The following KCNQ1OT1 variants were observed in gnomAD, a reference collection of about 807,000 sequenced individuals.
The protein encoded by KCNQ1OT1 is KCNQ1 opposite strand/antisense transcript 1.
rs535649270 is a variant in KCNQ1OT1, at chr11:2,685,952, G to C, written n.14043C>G. 259 of 398,766 alleles carry C rather than the reference G, an allele frequency of 6.5e-4. 1 individual carries two copies. The highest frequency in any genetic ancestry group is 4.7e-3 in the African/African-American group (228 of 48,746). 24.7% of individuals were successfully genotyped at this position (398,766 alleles called of 1,614,324 possible). A position where few individuals can be genotyped will look rare whatever the true frequency, so the allele number is the denominator to read the frequency against. On this transcript the variant is annotated non_coding_transcript_exon_variant, in exon 1 of 1. Coordinates refer to ENST00000597346, the Ensembl canonical transcript of KCNQ1OT1. ...GCCCACTCTCCCATCCTCCTGCTGG[G>C]TCACACGGATGAGGCCTGTACACTC...
exon 1 of KCNQ1OT1, chr11:2,666,714 T>A: frequency 2.5e-6 from 1 of 398,750 alleles, no homozygotes; most frequent in Non-Finnish European, 4.4e-6. Flanking sequence ...AGGTCCACTG[T>A]GACCTACTCC....
At chr11:2,696,524 A>G (rs576805813) in exon 1 of KCNQ1OT1, 12 of 398,612 alleles carry the variant, frequency 3.0e-5, no homozygotes, top group South Asian at 2.5e-4. Flanking sequence ...CTCCTTTTCA[A>G]AAGTTCAGTT....
chr11:2,632,366 T>G (rs374939008), exon 1 of KCNQ1OT1: 7 of 398,328 alleles, frequency 1.8e-5, no homozygotes, highest in Non-Finnish European at 1.3e-5. Context: ...CTTTATTTCT[T>G]TTCCATATTC....
Position 2,691,030 on chromosome 11 carries a change from G to A in KCNQ1OT1, n.8965C>T. 1 of 398,660 alleles carries A rather than the reference G, an allele frequency of 2.5e-6. No individual in the cohort carries two copies. The highest frequency in any genetic ancestry group is 4.4e-6 in the Non-Finnish European group (1 of 226,086). The allele number at this position is 398,660 out of a possible 1,614,324, so 24.7% of individuals were successfully genotyped here. ...AAGCTCTGGGTGAACTCTTGGCTCAGGTATCAGGATATGCTGGGTGAGGGA... is the reference window on the plus strand; with the variant it reads ...AAGCTCTGGGTGAACTCTTGGCTCAAGTATCAGGATATGCTGGGTGAGGGA... On this transcript the variant is annotated non_coding_transcript_exon_variant, in exon 1 of 1. Transcript: ENST00000597346. This position sits in a 1 kb window ranked among gnomAD's most constrained non-coding sequence, Gnocchi z 6.4.
chr11:2,660,495 T>G (rs1849932474), exon 1 of KCNQ1OT1: 4 of 398,538 alleles, frequency 1.0e-5, no homozygotes, highest in Non-Finnish European at 1.8e-5. Context: ...TATCTATGCC[T>G]CATATAACAA....
At chr11:2,662,518 G>C (rs767755350) in exon 1 of KCNQ1OT1, 1 of 426,498 alleles carries the variant, frequency 2.3e-6, no homozygotes, top group African/African-American at 2.0e-5. Context: ...TTCAGGTGGA[G>C]GAAATGGCTG....
Position 2,645,491 on chromosome 11 carries a change from T to C in KCNQ1OT1, n.54504A>G, listed in dbSNP as rs1415693558. ...CTGTATACCCTGCTGAATGCTCATGTTGGGGCAGCAGCAACTCTATTGCAG... is the reference window on the plus strand; with the variant it reads ...CTGTATACCCTGCTGAATGCTCATGCTGGGGCAGCAGCAACTCTATTGCAG... On this transcript the variant is annotated non_coding_transcript_exon_variant, in exon 1 of 1. Transcript: ENST00000597346. The surrounding 1 kb of genome is among the most constrained non-coding windows in gnomAD (Gnocchi z 5.8). 2 of 398,632 alleles carry C rather than the reference T, an allele frequency of 5.0e-6. No homozygotes were observed. Among genetic ancestry groups the C allele is most frequent in the Non-Finnish European group, 8.8e-6 (2 of 226,178 alleles). The allele number at this position is 398,632 out of a possible 1,614,324, so 24.7% of individuals were successfully genotyped here.
chr11:2,690,101 T>C lies in KCNQ1OT1; in HGVS notation n.9894A>G. 1 of 398,986 alleles carries C rather than the reference T, an allele frequency of 2.5e-6. No individual in the cohort carries two copies. Among genetic ancestry groups the C allele is most frequent in the East Asian group, 3.6e-5 (1 of 28,080 alleles). The allele number at this position is 398,986 out of a possible 1,614,324, so 24.7% of individuals were successfully genotyped here. On this transcript the variant is annotated non_coding_transcript_exon_variant, in exon 1 of 1. Coordinates refer to ENST00000597346, the Ensembl canonical transcript of KCNQ1OT1. The surrounding 1 kb of genome is among the most constrained non-coding windows in gnomAD (Gnocchi z 5.1). ...GAAGGCACAGCAGGGACAATCGCTC[T>C]TCCGGGGTTAGAACTGGGGGAGCAG...
chr11:2,696,766 C>T (rs1042253226), exon 1 of KCNQ1OT1: 1 of 398,516 alleles, frequency 2.5e-6, no homozygotes, highest in Non-Finnish European at 4.4e-6. Flanking sequence ...CCATAAAAGT[C>T]GTCGTCTTTG....
chr11:2,640,547 A>T, exon 1 of KCNQ1OT1: 1 of 381,380 alleles, frequency 2.6e-6, no homozygotes, highest in East Asian at 3.7e-5. Flanking sequence ...TGGCCCCCCA[A>T]AGCACTGGGA....
Position 2,676,898 on chromosome 11 carries a change from G to C in KCNQ1OT1, n.23097C>G. ...ATTTCTTAGTAAGTGTTCAGCCCCA[G>C]TGTGCACCACTTAAAAGGAAGACAC... is the stretch of plus-strand genomic sequence containing the variant. On this transcript the variant is annotated non_coding_transcript_exon_variant, in exon 1 of 1. Coordinates refer to ENST00000597346, the Ensembl canonical transcript of KCNQ1OT1. This position sits in a 1 kb window ranked among gnomAD's most constrained non-coding sequence, Gnocchi z 4.2. 2.5e-6 allele frequency: 1 copy of C among 398,620 alleles called. No homozygotes were observed. 24.7% of individuals were successfully genotyped at this position (398,620 alleles called of 1,614,324 possible). A position where few individuals can be genotyped will look rare whatever the true frequency, so the allele number is the denominator to read the frequency against.
exon 1 of KCNQ1OT1, chr11:2,665,062 T>C (rs1850040530): frequency 2.5e-6 from 1 of 398,292 alleles, no homozygotes; most frequent in Non-Finnish European, 4.4e-6. Flanking sequence ...TAGGGAGTCA[T>C]GACAAGCTGA....
In KCNQ1OT1 at chr11:2,661,778, C is replaced by G; in HGVS notation, n.38217G>C. On this transcript the variant is annotated non_coding_transcript_exon_variant, in exon 1 of 1. Coordinates refer to ENST00000597346, the Ensembl canonical transcript of KCNQ1OT1. This position sits in a 1 kb window ranked among gnomAD's most constrained non-coding sequence, Gnocchi z 5.9. ...TCCTCAGACACTGAGGTGTCAGGCA[C>G]TTTGGGGCCATCTTAAACACCCACC... The G allele has an allele frequency of 1.5e-6, 1 of 687,644 alleles. No individual in the cohort carries two copies. The highest frequency in any genetic ancestry group is 1.7e-5 in the South Asian group (1 of 59,268). The allele number at this position is 687,644 out of a possible 1,614,324, so 42.6% of individuals were successfully genotyped here. A position where few individuals can be genotyped will look rare whatever the true frequency, so the allele number is the denominator to read the frequency against.
exon 1 of KCNQ1OT1, chr11:2,637,148 A>AT (rs1270966613): frequency 4.6e-5 from 7 of 151,920 alleles, no homozygotes; most frequent in African/African-American, 1.5e-4. Context: ...GGATTCATTG[A>AT]TTTTTTGAAG....
At chr11:2,685,298 G>C (rs1404538609) in exon 1 of KCNQ1OT1, 11 of 398,560 alleles carry the variant, frequency 2.8e-5, no homozygotes, top group Non-Finnish European at 4.9e-5. Context: ...CATGCACACA[G>C]AGTATCGATC....
chr11:2,688,635 C>T (rs1227062929), exon 1 of KCNQ1OT1: 1 of 398,666 alleles, frequency 2.5e-6, no homozygotes, highest in Non-Finnish European at 4.4e-6. Flanking sequence ...GAGCTCTGGA[C>T]CTGCCTCCTA....
In KCNQ1OT1 at chr11:2,642,997, A is replaced by G. The variant is rs1849603700; in HGVS notation, n.56998T>C. On this transcript the variant is annotated non_coding_transcript_exon_variant, in exon 1 of 1. Coordinates refer to ENST00000597346, the Ensembl canonical transcript of KCNQ1OT1. The surrounding 1 kb of genome is among the most constrained non-coding windows in gnomAD (Gnocchi z 4.3). Reference sequence around the variant, plus strand: ...GCTCCTCTTATTTATTTATAGTTTTATGCTATTGTGGTCTGAGAAGATATG... The same window carrying G: ...GCTCCTCTTATTTATTTATAGTTTTGTGCTATTGTGGTCTGAGAAGATATG... 2.5e-6 allele frequency: 1 copy of G among 397,748 alleles called. No individual in the cohort carries two copies. Among genetic ancestry groups the G allele is most frequent in the South Asian group, 1.3e-4 (1 of 7,842 alleles). 24.6% of individuals were successfully genotyped at this position (397,748 alleles called of 1,614,324 possible). A position where few individuals can be genotyped will look rare whatever the true frequency, so the allele number is the denominator to read the frequency against.
At chr11:2,697,368 C>G (rs1431084021) in exon 1 of KCNQ1OT1, 1 of 398,584 alleles carries the variant, frequency 2.5e-6, no homozygotes, top group Non-Finnish European at 4.4e-6. Flanking sequence ...CTACCTGATC[C>G]TCACATCCCC....
At chr11:2,680,998 A>G (rs1850387536) in exon 1 of KCNQ1OT1, 7 of 398,396 alleles carry the variant, frequency 1.8e-5, no homozygotes, top group Non-Finnish European at 2.7e-5. Flanking sequence ...TGAAATAGGT[A>G]TGTGTTCTTT....
Sources: allele counts gnomAD v4.1 joint callset, GRCh38; gene constraint gnomAD v4.1.1; non-coding constraint Gnocchi (gnomAD v3.1); transcripts MANE v1.5; gene names NCBI Gene and HGNC (gene_info 2026-07-23, HGNC 2026-07-21).